Variants in TLN2 observed in about 807,000 individuals in gnomAD.
TLN2 encodes the protein talin 2.
In TLN2, 118 loss-of-function variants were observed where a neutral mutation model predicts 294.7. The observed-to-expected ratio is 0.40, with a 90% CI of 0.34 to 0.47. The LOEUF (loss-of-function observed/expected upper bound fraction) is 0.47. Ranked by LOEUF, TLN2 falls within the 20% of genes least tolerant of loss-of-function variation. The pLI is 0.84. For synonymous variants in TLN2, 1,431 were observed against 1,304.5 expected (o/e 1.10, Z -2.09); for missense variants, 3,083 against 3,282.2 (o/e 0.94, Z 1.48).
At chr15:62,398,559 A>G (rs1480663773) in intron 1 of TLN2, among the ~76,000 whole-genome samples, 2 of 152,122 alleles carry the variant, frequency 1.3e-5, no homozygotes, top group African/African-American at 2.4e-5. Context: ...AGACTTGTTG[A>G]ATGGTTTTGA....
intron 9 of TLN2, among the ~76,000 whole-genome samples, chr15:62,673,108 A>G (rs1299693437): frequency 2.1e-5 from 1 of 47,016 alleles, no homozygotes. Flanking sequence ...GTCTGTGTAT[A>G]GACAGGAGGG....
chr15:62,433,820 C>A (rs1037119411), intron 1 of TLN2, among the ~76,000 whole-genome samples: 1 of 151,066 alleles, frequency 6.6e-6, no homozygotes, highest in Admixed American at 6.7e-5. Flanking sequence ...GAAACCCTGC[C>A]TCTACTAAAA....
chr15:62,429,851 T>C (rs2034920976), intron 1 of TLN2, among the ~76,000 whole-genome samples: 1 of 152,216 alleles, frequency 6.6e-6, no homozygotes, highest in African/African-American at 2.4e-5. Context: ...CCCATAATAA[T>C]GTAATTGAGA....
At chr15:62,787,421 G>A (rs1020288160) in intron 45 of TLN2, among the ~76,000 whole-genome samples, 3 of 152,128 alleles carry the variant, frequency 2.0e-5, no homozygotes, top group Admixed American at 6.6e-5. Context: ...ACTTCATAAA[G>A]ACCAGGCTTT....
At chr15:62,831,188 G>C (rs2068802571) in intron 54 of TLN2, 1 of 152,038 alleles carries the variant, frequency 6.6e-6, no homozygotes, top group African/African-American at 2.4e-5. Context: ...CTTAAAATTT[G>C]GGAAATAAAA....
At chr15:62,775,027 G>A (rs2063610510) in intron 42 of TLN2, among the ~76,000 whole-genome samples, 2 of 140,780 alleles carry the variant, frequency 1.4e-5, no homozygotes, top group Non-Finnish European at 3.0e-5. Context: ...GGCGATCTCA[G>A]CTCACTGCAA....
intron 1 of TLN2, among the ~76,000 whole-genome samples, chr15:62,547,710 G>A (rs556515090): frequency 6.6e-6 from 1 of 152,360 alleles, no homozygotes; most frequent in Non-Finnish European, 1.5e-5. Context: ...TTAGAACACA[G>A]GAGTTAGTCT....
At chr15:62,821,921 G>A (rs1383420630) in intron 54 of TLN2, among the ~76,000 whole-genome samples, 1 of 152,200 alleles carries the variant, frequency 6.6e-6, no homozygotes, top group Non-Finnish European at 1.5e-5. Context: ...TAGAGGTTTG[G>A]TGCATGATGT....
chr15:62,707,345 T>G, intron 20 of TLN2, 92 bp downstream of exon 20: 1 of 1,411,392 alleles, frequency 7.1e-7, no homozygotes, highest in Non-Finnish European at 9.4e-7. Context: ...GCAGAATTTG[T>G]TTAAATAGTC....
At chr15:62,737,136 G>C in intron 29 of TLN2, 50 bp downstream of exon 29, 2 of 1,597,060 alleles carry the variant, frequency 1.3e-6, no homozygotes, top group Non-Finnish European at 1.7e-6. Flanking sequence ...CATTAACGTG[G>C]ACATGTGGTC....
At chr15:62,420,656 AC>A (rs2034338514) in intron 1 of TLN2, among the ~76,000 whole-genome samples, 1 of 152,202 alleles carries the variant, frequency 6.6e-6, no homozygotes, top group Admixed American at 6.5e-5. Flanking sequence ...AAAGCCAGTG[AC>A]TTTATACAAA....
intron 47 of TLN2, among the ~76,000 whole-genome samples, chr15:62,796,949 A>G (rs2065526653): frequency 6.6e-6 from 1 of 152,170 alleles, no homozygotes; most frequent in Non-Finnish European, 1.5e-5. Context: ...GGGCTTGGGA[A>G]GGGAGCCAGG....
intron 1 of TLN2, among the ~76,000 whole-genome samples, chr15:62,404,325 T>C (rs2140242291): frequency 6.6e-6 from 1 of 152,330 alleles, no homozygotes; most frequent in Non-Finnish European, 1.5e-5. Context: ...ACTTGGCAAC[T>C]TTTGTCTCTG....
chr15:62,530,850 C>G (rs1283560439), intron 1 of TLN2, among the ~76,000 whole-genome samples: 1 of 152,052 alleles, frequency 6.6e-6, no homozygotes, highest in Non-Finnish European at 1.5e-5. Context: ...CGTTTTTTGA[C>G]TTGCTTGTTG....
At chr15:62,807,511 T>C (rs2066372209) in intron 51 of TLN2, among the ~76,000 whole-genome samples, 1 of 152,200 alleles carries the variant, frequency 6.6e-6, no homozygotes, top group Non-Finnish European at 1.5e-5. Flanking sequence ...AAGGTCGCTA[T>C]GGTTGATGCG....
chr15:62,485,575 T>G (rs1390627109), intron 1 of TLN2, among the ~76,000 whole-genome samples: 1 of 152,200 alleles, frequency 6.6e-6, no homozygotes, highest in African/African-American at 2.4e-5. Context: ...AGCTTGACCT[T>G]GCTCTGGAAT....
At chr15:62,712,707 A>G (rs1344378268) in intron 22 of TLN2, among the ~76,000 whole-genome samples, 3 of 151,936 alleles carry the variant, frequency 2.0e-5, no homozygotes, top group Non-Finnish European at 4.4e-5. Flanking sequence ...CTGATTCACA[A>G]GGTCACTGGT....
intron 1 of TLN2, among the ~76,000 whole-genome samples, chr15:62,517,301 A>G (rs2040235694): frequency 6.6e-6 from 1 of 152,116 alleles, no homozygotes. Context: ...CATACCCTGA[A>G]CTGCTGTTAG....
intron 1 of TLN2, among the ~76,000 whole-genome samples, chr15:62,475,102 C>T (rs185949260): frequency 1.8e-4 from 27 of 152,236 alleles, no homozygotes; most frequent in African/African-American, 5.5e-4. Flanking sequence ...CCTGAAGAAT[C>T]GTTTAACGAT....
Sources: allele counts gnomAD v4.1 joint callset (sites outside exome capture counted in the v4.1 genomes callset), GRCh38; gene constraint gnomAD v4.1.1; transcripts MANE v1.5; gene names NCBI Gene and HGNC (gene_info 2026-07-23, HGNC 2026-07-21).